HCN2: variants seen among roughly 807,000 people sequenced by gnomAD.
The protein encoded by HCN2 is potassium/sodium hyperpolarization-activated cyclic nucleotide-gated channel 2.
In HCN2, 20 loss-of-function variants were observed where a neutral mutation model predicts 52.3. The observed-to-expected ratio is 0.38, with a 90% CI of 0.27 to 0.56. The LOEUF is 0.56. HCN2 is among the 20% of genes least tolerant of loss of function. HCN2 has a pLI of 0.71. For missense variants in HCN2, 981 were observed against 1,207.7 expected, an observed-to-expected ratio of 0.81 and a Z score of 2.78; for synonymous variants, 694 against 537.0, an observed-to-expected ratio of 1.29 and a Z score of -4.04.
Position 616,592 on chromosome 19 carries a change from TAGGTAGCCGTAGTTG to T in HCN2, c.*119_*133del. The T allele has an allele frequency of 1.8e-6, 1 of 568,870 alleles. No homozygotes were observed. Among genetic ancestry groups the T allele is most frequent in the Non-Finnish European group, 2.4e-6 (1 of 418,148 alleles). The allele number at this position is 568,870 out of a possible 1,614,324, so 35.2% of individuals were successfully genotyped here. On this transcript the variant is annotated 3_prime_UTR_variant, in exon 8 of 8. Coordinates refer to ENST00000251287, the MANE Select transcript of HCN2 (RefSeq NM_001194.4). ...CCGCCCAGAAGCCATAGACGAGACG[TAGGTAGCCGTAGTTG>T]GACGGACGGGCAGGGCCGGCGGGGC...
chr19:612,029 C>T (rs1235442090), intron 5 of HCN2, among the ~76,000 whole-genome samples: 1 of 152,010 alleles, frequency 6.6e-6, no homozygotes, highest in African/African-American at 2.4e-5. Flanking sequence ...CCTGTAATCC[C>T]AGCTACTCTG....
rs7259120 is a variant in HCN2, at chr19:605,783, T to A, written c.1218+561T>A. 5.5e-3 allele frequency among the ~76,000 whole-genome samples: 524 copies of A among 96,024 alleles called. 84 individuals carry two copies. The highest frequency in any genetic ancestry group is 0.017 in the South Asian group (33 of 1,960). 63.0% of individuals were successfully genotyped at this position (96,024 alleles called of 152,430 possible). On this transcript the variant is annotated intron_variant, in intron 3 of 7. Coordinates refer to ENST00000251287, the MANE Select transcript of HCN2 (RefSeq NM_001194.4). ...GGCGCCCCCTTATGGAGGGAAGGAC[T>A]CGGGCCCTTACAGAGGCGGGGACCC...
intron 3 of HCN2, among the ~76,000 whole-genome samples, chr19:605,759 GCGCCCC>G (rs1983406143): frequency 7.6e-6 from 1 of 130,952 alleles, no homozygotes; most frequent in African/African-American, 3.0e-5. Context: ...GGGGACCCAG[GCGCCCC>G]CTTATGGAGG....
intron 3 of HCN2, among the ~76,000 whole-genome samples, chr19:606,587 T>C: frequency 6.6e-6 from 1 of 151,732 alleles, no homozygotes; most frequent in Non-Finnish European, 1.5e-5. Flanking sequence ...GCATGGCTGC[T>C]CATGCCTGTA....
intron 1 of HCN2, among the ~76,000 whole-genome samples, chr19:596,188 C>T (rs775499314): frequency 2.2e-4 from 34 of 152,202 alleles, no homozygotes; most frequent in Non-Finnish European, 4.4e-4. Flanking sequence ...ACCCTGAGCT[C>T]GGGGCAGGAG....
chr19:601,987 G>A (rs1015093765), intron 1 of HCN2, among the ~76,000 whole-genome samples: 1 of 151,774 alleles, frequency 6.6e-6, no homozygotes, highest in Non-Finnish European at 1.5e-5. Flanking sequence ...CGGAACGTCC[G>A]AATGGTGCCA....
rs1982911525 is a variant in HCN2 at position 592,804 on chromosome 19, G to A, written c.632+2227G>A. Among the ~76,000 whole-genome samples the A allele has an allele frequency of 6.6e-6, 1 of 152,092 alleles. No homozygotes were observed. ...CAGGCGGCCGGACCCTGCTGTGGAG[G>A]GTGTTTTGGGGCAGCCCACAGCAAG... On this transcript the variant is annotated intron_variant, in intron 1 of 7. Coordinates refer to ENST00000251287, the MANE Select transcript of HCN2 (RefSeq NM_001194.4). The surrounding 1 kb of genome is among the most constrained non-coding windows in gnomAD (Gnocchi z 4.8).
At position 591,876 on chromosome 19, in the gene HCN2, T is replaced by C. The variant is rs1159958188; in HGVS notation, c.632+1299T>C. Among the ~76,000 whole-genome samples, 1 of 152,042 alleles carries C rather than the reference T, an allele frequency of 6.6e-6. No individual in the cohort carries two copies. The highest frequency in any genetic ancestry group is 6.5e-5 in the Admixed American group (1 of 15,284). ...GAAACTGAGGCCTGGGGCACATGCG[T>C]CCTGGACAGAGCCTGGAGGAAGGCC... is the stretch of plus-strand genomic sequence containing the variant. On this transcript the variant is annotated intron_variant, in intron 1 of 7. Coordinates refer to ENST00000251287, the MANE Select transcript of HCN2 (RefSeq NM_001194.4). The surrounding 1 kb of genome is among the most constrained non-coding windows in gnomAD (Gnocchi z 4.1).
In HCN2 at chr19:590,485, G is replaced by A; in HGVS notation, c.540G>A (p.Leu180=). 1 of 1,524,606 alleles carries A rather than the reference G, an allele frequency of 6.6e-7. No homozygotes were observed. Among genetic ancestry groups the A allele is most frequent in the Non-Finnish European group, 8.8e-7 (1 of 1,131,462 alleles). 94.4% of individuals were successfully genotyped at this position (1,524,606 alleles called of 1,614,324 possible). A position where few individuals can be genotyped will look rare whatever the true frequency, so the allele number is the denominator to read the frequency against. ...AGCCGGGCGTCAACAAGTTCTCGCTGCGGATGTTCGGCAGCCAGAAGGCCG... is the reference window on the plus strand; with the variant it reads ...AGCCGGGCGTCAACAAGTTCTCGCTACGGATGTTCGGCAGCCAGAAGGCCG... ...LLQPGVNKFS[L]RMFGSQKAVE... Residue 180 remains leucine (L), a synonymous_variant, in exon 1 of 8, where the codon CTG becomes CTA. Coordinates refer to ENST00000251287, the MANE Select transcript of HCN2 (RefSeq NM_001194.4). This position sits in a 1 kb window ranked among gnomAD's most constrained non-coding sequence, Gnocchi z 7.2.
At position 591,965 on chromosome 19, in the gene HCN2, G is replaced by T. The variant is rs2144501639; in HGVS notation, c.632+1388G>T. The stretch of plus-strand genomic sequence containing the variant: ...GAATACAGCTTTGACCAGAAGCCTG[G>T]ATTTCGAGACAGGCCAGGGGTGGGA... On this transcript the variant is annotated intron_variant, in intron 1 of 7. Coordinates refer to ENST00000251287, the MANE Select transcript of HCN2 (RefSeq NM_001194.4). The surrounding 1 kb of genome is among the most constrained non-coding windows in gnomAD (Gnocchi z 4.1). Among the ~76,000 whole-genome samples the T allele has an allele frequency of 6.6e-6, 1 of 152,318 alleles. No individual in the cohort carries two copies. Among genetic ancestry groups the T allele is most frequent in the East Asian group, 1.9e-4 (1 of 5,178 alleles).
chr19:613,150 G>C, intron 5 of HCN2, 98 bp from the exon 6 acceptor site: 7 of 1,442,556 alleles, frequency 4.9e-6, no homozygotes, highest in Non-Finnish European at 6.5e-6. Context: ...CTCAGACGAG[G>C]AAACTGGGGT....
intron 1 of HCN2, among the ~76,000 whole-genome samples, chr19:595,209 T>TA (rs968748143): frequency 6.6e-5 from 10 of 150,960 alleles, no homozygotes; most frequent in East Asian, 2.0e-4. Context: ...CTCAAAAAAA[T>TA]AAAAAAAACC....
intron 1 of HCN2, among the ~76,000 whole-genome samples, chr19:601,434 C>T (rs1027544962): frequency 6.6e-5 from 10 of 152,198 alleles, no homozygotes; most frequent in East Asian, 1.9e-4. Flanking sequence ...GTGGACGGGT[C>T]GCGCCGTGTT....
intron 2 of HCN2, among the ~76,000 whole-genome samples, chr19:604,761 GTCAGAC>G (rs1983355153): frequency 1.1e-5 from 1 of 87,282 alleles, no homozygotes; most frequent in African/African-American, 6.4e-5. Context: ...CTGGGGCGGT[GTCAGAC>G]ATCAGGGGTG....
Position 616,004 on chromosome 19 carries a change from G to A in HCN2, c.2200G>A (p.Ala734Thr), listed in dbSNP as rs888015831. ...GGCCATCGCCACGCTGCAGCAGGCG[G>A]CGGCCATGAGCTTCTGCCCGCAGGT... ...TSAIATLQQA[A>T]AMSFCPQVAR... Residue 734 changes from alanine to threonine, a missense_variant, in exon 8 of 8, where the codon GCG (alanine) becomes ACG (threonine). By Grantham distance (58) the Ala-to-Thr change is moderately conservative (BLOSUM62 0). Transcript: ENST00000251287. 15 of 1,513,014 alleles carry A rather than the reference G, an allele frequency of 9.9e-6. No individual in the cohort carries two copies. Among genetic ancestry groups the A allele is most frequent in the African/African-American group, 2.9e-5 (2 of 69,720 alleles). 93.7% of individuals were successfully genotyped at this position (1,513,014 alleles called of 1,614,324 possible).
chr19:610,305 A>C lies in HCN2; in HGVS notation c.1484A>C (p.Asp495Ala). 6.2e-7 allele frequency: 1 copy of C among 1,613,774 alleles called. No homozygotes were observed. Among genetic ancestry groups the C allele is most frequent in the Non-Finnish European group, 8.5e-7 (1 of 1,179,822 alleles). ...ATGTCCTTCCACAAGCTGCCAGCTG[A>C]CTTCCGCCAGAAGATCCACGACTAC... ...QYMSFHKLPA[D>A]FRQKIHDYYE... The change falls in exon 5 of 8, where the codon GAC becomes GCC. Residue 495 changes from aspartate (D) to alanine (A), a missense_variant. Transcript: ENST00000251287.
intron 1 of HCN2, among the ~76,000 whole-genome samples, chr19:599,892 G>A (rs1175577238): frequency 7.4e-6 from 1 of 135,464 alleles, no homozygotes; most frequent in Non-Finnish European, 1.6e-5. Context: ...GTGTGTGTGT[G>A]TGTGTCAGAG....
Position 616,921 on chromosome 19 carries a change from G to GGCCCGGCCCCCGTCCGC in HCN2, c.*450_*466dup, listed in dbSNP as rs1176545118. ...CCCCCATCGCGCTCACGCAATAACC[G>GGCCCGGCCCCCGTCCGC]GCCCGGCCCCCGTCCGCGCGCGTCC... On this transcript the variant is annotated 3_prime_UTR_variant, in exon 8 of 8. Transcript: ENST00000251287. The GGCCCGGCCCCCGTCCGC allele has an allele frequency of 3.1e-6, 1 of 327,442 alleles. No individual in the cohort carries two copies. The highest frequency in any genetic ancestry group is 5.7e-6 in the Non-Finnish European group (1 of 174,150). 20.3% of individuals were successfully genotyped at this position (327,442 alleles called of 1,614,324 possible). A position where few individuals can be genotyped will look rare whatever the true frequency, so the allele number is the denominator to read the frequency against.
intron 1 of HCN2, among the ~76,000 whole-genome samples, chr19:597,043 C>T (rs534370552): frequency 3.3e-5 from 5 of 152,304 alleles, no homozygotes; most frequent in African/African-American, 7.2e-5. Flanking sequence ...TGGCTGGTGA[C>T]GACGAGGGTT....
Sources: allele counts gnomAD v4.1 joint callset (sites outside exome capture counted in the v4.1 genomes callset), GRCh38; gene constraint gnomAD v4.1.1; non-coding constraint Gnocchi (gnomAD v3.1); transcripts MANE v1.5; gene names NCBI Gene and HGNC (gene_info 2026-07-23, HGNC 2026-07-21).